Variants in NUP210L observed in about 807,000 individuals in gnomAD.
NUP210L encodes the protein nucleoporin 210 like.
A neutral mutation model predicts 208.5 loss-of-function variants in NUP210L; 74 were observed. The ratio of observed to expected loss-of-function variants is 0.35; its 90% CI spans 0.29 to 0.43. NUP210L has a LOEUF of 0.43. Among genes scored for constraint, NUP210L ranks in the 20% least tolerant of loss-of-function variants. NUP210L has a pLI of 1.00. For synonymous variants in NUP210L, 780 were observed against 816.9 expected (o/e 0.95, Z 0.77); for missense variants, 1,843 against 2,289.4 (o/e 0.81, Z 3.98).
chr1:154,076,248 C>T (rs532849637), intron 16 of NUP210L, among the ~76,000 whole-genome samples: 14 of 151,886 alleles, frequency 9.2e-5, no homozygotes, highest in African/African-American at 3.1e-4. Context: ...GGACTACAGG[C>T]GTGTGCCACC....
intron 13 of NUP210L, among the ~76,000 whole-genome samples, chr1:154,101,430 C>T (rs895513042): frequency 4.0e-5 from 6 of 151,774 alleles, no homozygotes; most frequent in Non-Finnish European, 7.4e-5. Context: ...TGAGCCAAGA[C>T]GTGCCATTGC....
Position 154,000,939 on chromosome 1 carries a change from GGT to G in NUP210L, c.5301_5302del (p.Pro1768CysfsTer14). Reference sequence around the variant, plus strand: ...TACACAGGAAATATTGATGAAAACAGGTGATGCCATTTGCTGGAAGGAAGTGA... The same window carrying G: ...TACACAGGAAATATTGATGAAAACAGGATGCCATTTGCTGGAAGGAAGTGA... On this transcript the variant is annotated frameshift_variant, in exon 37 of 40. Transcript: ENST00000368559. LOFTEE classifies it high-confidence loss of function. 6.2e-7 allele frequency: 1 copy of G among 1,614,176 alleles called. No individual in the cohort carries two copies. Among genetic ancestry groups the G allele is most frequent in the East Asian group, 2.2e-5 (1 of 44,882 alleles).
intron 35 of NUP210L, among the ~76,000 whole-genome samples, chr1:154,008,914 ATT>A (rs35252794): frequency 6.9e-6 from 1 of 144,816 alleles, no homozygotes; most frequent in Non-Finnish European, 1.5e-5. Flanking sequence ...TATACCTTAC[ATT>A]TTTTTTTTTT....
intron 1 of NUP210L, among the ~76,000 whole-genome samples, chr1:154,154,354 GTGTTT>G (rs1399100734): frequency 6.6e-6 from 1 of 152,202 alleles, no homozygotes; most frequent in Non-Finnish European, 1.5e-5. Flanking sequence ...CTTGGCTGTT[GTGTTT>G]TAAGTCCTTC....
At chr1:154,031,211 C>T (rs928057890) in intron 27 of NUP210L, among the ~76,000 whole-genome samples, 4 of 152,024 alleles carry the variant, frequency 2.6e-5, no homozygotes, top group Admixed American at 1.3e-4. Flanking sequence ...TGTCTCAGTC[C>T]CCCAAATAGC....
intron 27 of NUP210L, among the ~76,000 whole-genome samples, chr1:154,033,914 T>C (rs963249990): frequency 2.6e-5 from 4 of 152,122 alleles, no homozygotes; most frequent in Admixed American, 2.0e-4. Flanking sequence ...GTGTGTCTTC[T>C]TCATTTATTT....
Position 154,139,807 on chromosome 1 carries a change from A to G in NUP210L, c.712T>C (p.Tyr238His), listed in dbSNP as rs748775330. ...ATAGCACACAAACTTTTTACCTTAT[A>G]GAATGGTTCATGAATTCGAACTTTT... Residue 238 changes from tyrosine to histidine, a missense_variant, in exon 5 of 40, where the codon TAT (tyrosine) becomes CAT (histidine). Tyr to His is a moderately conservative substitution (Grantham distance 83, BLOSUM62 2). This residue lies in a region of NUP210L where 542 missense variants were observed against 606.4 expected (regional missense o/e 0.89). Coordinates refer to ENST00000368559, the Ensembl canonical transcript of NUP210L. 9 of 1,612,178 alleles carry G rather than the reference A, an allele frequency of 5.6e-6. No homozygotes were observed. In the African/African-American group the frequency reaches 1.2e-4, roughly 22 times the overall value.
At chr1:154,139,993 C>T (rs771882756) in intron 4 of NUP210L, 41 bp from the exon 5 acceptor site, 27 of 1,509,646 alleles carry the variant, frequency 1.8e-5, no homozygotes, top group Middle Eastern at 1.7e-4. Flanking sequence ...CAGAATTAAA[C>T]GAAGGGTTCT....
intron 35 of NUP210L, among the ~76,000 whole-genome samples, chr1:154,007,865 C>T (rs6703545): frequency 0.28 from 41,912 of 150,690 alleles, 6,228 homozygotes; most frequent in Admixed American, 0.39. Flanking sequence ...TGAGCCACTG[C>T]GCCCGGCCTT....
At chr1:154,035,157 C>T (rs1399077410) in intron 27 of NUP210L, among the ~76,000 whole-genome samples, 8 of 151,780 alleles carry the variant, frequency 5.3e-5, no homozygotes, top group South Asian at 2.1e-4. Flanking sequence ...CTTTTTCCAC[C>T]GCTGATTTTA....
At chr1:154,070,080 T>A (rs560006377) in intron 17 of NUP210L, among the ~76,000 whole-genome samples, 193 bp downstream of exon 17, 158 of 152,074 alleles carry the variant, frequency 1.0e-3, no homozygotes, top group Non-Finnish European at 2.0e-3. Flanking sequence ...AGAGATAGCA[T>A]CAGGAGAAAT....
At chr1:154,075,731 T>C (rs1654997558) in intron 16 of NUP210L, among the ~76,000 whole-genome samples, 1 of 151,906 alleles carries the variant, frequency 6.6e-6, no homozygotes, top group Non-Finnish European at 1.5e-5. Flanking sequence ...TAAAAGCAGT[T>C]TCCATAGAAA....
At chr1:154,048,028 G>T (rs906025583) in intron 25 of NUP210L, among the ~76,000 whole-genome samples, 4 of 152,158 alleles carry the variant, frequency 2.6e-5, no homozygotes, top group African/African-American at 9.7e-5. Flanking sequence ...GCTCTAGTTT[G>T]TTCCACCTTG....
At chr1:154,010,318 T>C (rs1443871914) in intron 34 of NUP210L, among the ~76,000 whole-genome samples, 197 bp from the exon 35 acceptor site, 1 of 152,196 alleles carries the variant, frequency 6.6e-6, no homozygotes, top group African/African-American at 2.4e-5. Context: ...TGTGAATGAC[T>C]ACAGTGGGGC....
chr1:154,018,997 G>A, exon 33 of NUP210L: 1 of 1,613,988 alleles, frequency 6.2e-7, no homozygotes, highest in Non-Finnish European at 8.5e-7. Flanking sequence ...CGGACTCCTG[G>A]CCACTCCTAC....
chr1:154,040,654 T>G (rs1425394755), intron 27 of NUP210L, among the ~76,000 whole-genome samples: 3 of 151,534 alleles, frequency 2.0e-5, no homozygotes, highest in Non-Finnish European at 4.4e-5. Context: ...TGGCGTGATC[T>G]TGGCTCACTG....
exon 11 of NUP210L, chr1:154,118,751 A>G: frequency 6.3e-7 from 1 of 1,594,104 alleles, no homozygotes; most frequent in Non-Finnish European, 8.6e-7. Context: ...ATGGGAAAAT[A>G]AATCTTCACT....
At chr1:154,039,608 T>A (rs1652752487) in intron 27 of NUP210L, among the ~76,000 whole-genome samples, 1 of 152,212 alleles carries the variant, frequency 6.6e-6, no homozygotes, top group South Asian at 2.1e-4. Flanking sequence ...GTTTTTTCCT[T>A]CAGCACTTTA....
intron 3 of NUP210L, among the ~76,000 whole-genome samples, chr1:154,141,745 G>A (rs975998033): frequency 6.6e-6 from 1 of 152,136 alleles, no homozygotes; most frequent in Non-Finnish European, 1.5e-5. Context: ...AGTAAAAAGG[G>A]CTCAAGCTGA....
Sources: gnomAD v4.1 joint callset for allele counts (sites outside exome capture counted in the v4.1 genomes callset) on GRCh38, gnomAD v4.1.1 for gene constraint, gnomAD v4.1.1 regional missense constraint, MANE v1.5 for transcripts, NCBI Gene and HGNC (gene_info 2026-07-23, HGNC 2026-07-21) for gene names.